The following EPN1 variants were observed in gnomAD, a reference collection of about 807,000 sequenced individuals.
EPN1 encodes the protein epsin-1.
In EPN1, 25 loss-of-function variants were observed where a neutral mutation model predicts 56.9. That is an observed-to-expected ratio of 0.44 (90% CI 0.32 to 0.61). The LOEUF (loss-of-function observed/expected upper bound fraction) is 0.61, where lower values mean the gene tolerates loss of function less well. Ranked by LOEUF, EPN1 falls within the 20% of genes least tolerant of loss-of-function variation. EPN1 has a pLI of 0.05. For synonymous variants in EPN1, 411 were observed against 361.8 expected, an observed-to-expected ratio of 1.14 and a Z score of -1.54; for missense variants, 785 against 823.7, an observed-to-expected ratio of 0.95 and a Z score of 0.58.
Position 55,695,217 on chromosome 19 carries a change from A to C in EPN1, c.1592A>C (p.Asn531Thr), listed in dbSNP as rs1435065291. 6.2e-7 allele frequency: 1 copy of C among 1,613,148 alleles called. No homozygotes were observed. Among genetic ancestry groups the C allele is most frequent in the African/African-American group, 1.3e-5 (1 of 74,882 alleles). Reference sequence around the variant, plus strand: ...GCGCCTCCCGCGACGCTCACCCTGAACCAGCTCCGTCTCAGTCCTGTGCCT... The same window carrying C: ...GCGCCTCCCGCGACGCTCACCCTGACCCAGCTCCGTCTCAGTCCTGTGCCT... ...QPAPPATLTL[N>T]QLRLSPVPPV... The change falls in exon 11 of 11, where the codon AAC (asparagine) becomes ACC (threonine). Residue 531 changes from asparagine to threonine, a missense_variant. Transcript: ENST00000270460. This position sits in a 1 kb window ranked among gnomAD's most constrained non-coding sequence, Gnocchi z 4.4.
At chr19:55,684,247 G>A (rs143747413) in intron 2 of EPN1, among the ~76,000 whole-genome samples, 5 of 152,276 alleles carry the variant, frequency 3.3e-5, no homozygotes, top group Non-Finnish European at 5.9e-5. Context: ...TGGTTCAGAC[G>A]GAGCTTAGCT....
At chr19:55,685,181 C>T (rs530952971) in intron 2 of EPN1, among the ~76,000 whole-genome samples, 1 of 152,268 alleles carries the variant, frequency 6.6e-6, no homozygotes, top group Non-Finnish European at 1.5e-5. Flanking sequence ...GAGCGCAGTA[C>T]CTCCGCGGCT....
intron 9 of EPN1, among the ~76,000 whole-genome samples, chr19:55,693,622 C>T (rs1030500463): frequency 2.6e-5 from 4 of 152,190 alleles, no homozygotes; most frequent in African/African-American, 4.8e-5. Flanking sequence ...ACTGGTGCTT[C>T]GCCGCGGCCC....
chr19:55,686,301 C>T (rs3786644), intron 3 of EPN1, among the ~76,000 whole-genome samples: 25,252 of 152,072 alleles, frequency 0.17, 2,670 homozygotes, highest in African/African-American at 0.29. Flanking sequence ...CTGTGTTGGT[C>T]GGGGGCTCAC....
At chr19:55,686,414 G>A (rs925055150) in intron 3 of EPN1, among the ~76,000 whole-genome samples, 1 of 152,176 alleles carries the variant, frequency 6.6e-6, no homozygotes, top group African/African-American at 2.4e-5. Context: ...GCCTCAGTTA[G>A]TGGGGATACG....
At chr19:55,677,476 T>A in intron 1 of EPN1, 1 of 821,988 alleles carries the variant, frequency 1.2e-6, no homozygotes, top group Non-Finnish European at 1.9e-6. Context: ...AGTTTTGGAG[T>A]TCAGGTGGGC....
chr19:55,690,489 T>C (rs562815991), intron 6 of EPN1, among the ~76,000 whole-genome samples: 7 of 152,224 alleles, frequency 4.6e-5, no homozygotes, highest in Non-Finnish European at 1.0e-4. Context: ...TACTTCCCTG[T>C]GACGGGCCCG....
rs746040850 is a variant in EPN1, at chr19:55,688,937, G to A, written c.546G>A (p.Gly182=). 1.0e-4 allele frequency: 165 copies of A among 1,597,066 alleles called. No homozygotes were observed. Among genetic ancestry groups the A allele is most frequent in the Non-Finnish European group, 1.3e-4 (149 of 1,173,848 alleles). ...EAEQAWPQSS[G]EEELQLQLAL... is the part of the protein sequence containing the mutation. ...AGCAGGCGTGGCCGCAGAGCAGCGG[G>A]GAGGAGGAGCTGCAGCTCCAGCTGG... Residue 182 remains glycine (G), a synonymous_variant, in exon 4 of 11, where the codon GGG becomes GGA. Coordinates refer to ENST00000270460, the MANE Select transcript of EPN1 (RefSeq NM_001130072.2).
rs998511209 is a variant in EPN1 at position 55,698,713 on chromosome 19, C to G, written c.*3357C>G. ...CTCCCAGCCAGCCTCTGCCTTTTGCCTTTTCCTCATGTTCTCATTGAATAG... is the reference window on the plus strand; with the variant it reads ...CTCCCAGCCAGCCTCTGCCTTTTGCGTTTTCCTCATGTTCTCATTGAATAG... On this transcript the variant is annotated 3_prime_UTR_variant, in exon 11 of 11. Transcript: ENST00000270460. 6.6e-6 allele frequency: 1 copy of G among 152,398 alleles called. No homozygotes were observed. The highest frequency in any genetic ancestry group is 1.5e-5 in the Non-Finnish European group (1 of 68,146). The allele number at this position is 152,398 out of a possible 1,614,324, so 9.4% of individuals were successfully genotyped here. A position where few individuals can be genotyped will look rare whatever the true frequency, so the allele number is the denominator to read the frequency against.
chr19:55,708,918 G>T lies in EPN1; in HGVS notation c.*13562G>T. The stretch of plus-strand genomic sequence containing the variant: ...TACTTCAGGGTGTTCCCCATCAGAG[G>T]AGCACACCCCTGATCTTGTATTCCT... On this transcript the variant is annotated 3_prime_UTR_variant, in exon 11 of 11. Transcript: ENST00000270460. 2 of 1,544,354 alleles carry T rather than the reference G, an allele frequency of 1.3e-6. No individual in the cohort carries two copies. The highest frequency in any genetic ancestry group is 1.7e-6 in the Non-Finnish European group (2 of 1,154,858).
At chr19:55,679,613 C>G (rs966083499) in intron 2 of EPN1, among the ~76,000 whole-genome samples, 19 of 152,208 alleles carry the variant, frequency 1.2e-4, no homozygotes, top group Non-Finnish European at 2.2e-4. Flanking sequence ...AGACCTGGGC[C>G]TGCTCTGGCG....
At chr19:55,681,995 G>A (rs1456330278) in intron 2 of EPN1, among the ~76,000 whole-genome samples, 1 of 151,974 alleles carries the variant, frequency 6.6e-6, no homozygotes, top group Admixed American at 6.6e-5. Flanking sequence ...TGTAGAGATG[G>A]CAGTCTCACT....
rs1214444986 is a variant in EPN1 at position 55,707,870 on chromosome 19, C to T, written c.*12514C>T. ...AACTCGTGTTTACAGGTCTTAAAGT[C>T]CTGACCTGGTGATCCGCCCGCGTGG... On this transcript the variant is annotated 3_prime_UTR_variant, in exon 11 of 11. Transcript: ENST00000270460. 6.5e-6 allele frequency: 1 copy of T among 154,378 alleles called. No individual in the cohort carries two copies. The highest frequency in any genetic ancestry group is 1.5e-5 in the Non-Finnish European group (1 of 68,258). The allele number at this position is 154,378 out of a possible 1,614,324, so 9.6% of individuals were successfully genotyped here.
Position 55,698,610 on chromosome 19 carries a change from G to A in EPN1, c.*3254G>A, listed in dbSNP as rs1987002179. 6.6e-6 allele frequency: 1 copy of A among 152,484 alleles called. No homozygotes were observed. Among genetic ancestry groups the A allele is most frequent in the South Asian group, 2.1e-4 (1 of 4,840 alleles). 9.4% of individuals were successfully genotyped at this position (152,484 alleles called of 1,614,324 possible). ...TACGCTTGCCCCTCGCTCTGGAGCT[G>A]CGATGCCAGCCTCAGGGCTTTCAGT... On this transcript the variant is annotated 3_prime_UTR_variant, in exon 11 of 11. Coordinates refer to ENST00000270460, the MANE Select transcript of EPN1 (RefSeq NM_001130072.2).
In EPN1 at chr19:55,702,754, T is replaced by C. The variant is rs28413124; in HGVS notation, c.*7398T>C. On this transcript the variant is annotated 3_prime_UTR_variant, in exon 11 of 11. Coordinates refer to ENST00000270460, the MANE Select transcript of EPN1 (RefSeq NM_001130072.2). Reference sequence around the variant, plus strand: ...TTCAGGTAGAATGGGTGAATGCATTTATTCGTTCATCTAAGCCGCATTTAC... The same window carrying C: ...TTCAGGTAGAATGGGTGAATGCATTCATTCGTTCATCTAAGCCGCATTTAC... 34,190 of 152,074 alleles carry C rather than the reference T, an allele frequency of 0.22. 4,147 individuals carry two copies. Among genetic ancestry groups the C allele is most frequent in the African/African-American group, 0.29 (12,125 of 41,436 alleles). 9.4% of individuals were successfully genotyped at this position (152,074 alleles called of 1,614,324 possible). A position where few individuals can be genotyped will look rare whatever the true frequency, so the allele number is the denominator to read the frequency against.
At chr19:55,685,762 CT>C (rs1478815684) in intron 3 of EPN1, 117 bp downstream of exon 3, 11 of 1,336,994 alleles carry the variant, frequency 8.2e-6, no homozygotes, top group African/African-American at 1.4e-5. Flanking sequence ...CGGCATCCCC[CT>C]TTGCTTCTCC....
At position 55,706,299 on chromosome 19, in the gene EPN1, T is replaced by A. The variant is rs528631993; in HGVS notation, c.*10943T>A. 39 of 154,884 alleles carry A rather than the reference T, an allele frequency of 2.5e-4. No individual in the cohort carries two copies. In the South Asian group the frequency reaches 3.9e-3, roughly 15 times the overall value. 9.6% of individuals were successfully genotyped at this position (154,884 alleles called of 1,614,324 possible). On this transcript the variant is annotated 3_prime_UTR_variant, in exon 11 of 11. Coordinates refer to ENST00000270460, the MANE Select transcript of EPN1 (RefSeq NM_001130072.2). ...TTTCTTCTTCTTTTTTTTTTTTTTT[T>A]AAAAGACCGTGTTTCGCTCTGTCAC...
chr19:55,680,433 G>T (rs1370707077), intron 2 of EPN1, among the ~76,000 whole-genome samples: 1 of 152,122 alleles, frequency 6.6e-6, no homozygotes, highest in African/African-American at 2.4e-5. Flanking sequence ...AGCAGAGCCT[G>T]TAGGATCCCC....
Position 55,691,986 on chromosome 19 carries a change from A to T in EPN1, c.995A>T (p.Asp332Val), listed in dbSNP as rs745379863. 2 of 1,490,536 alleles carry T rather than the reference A, an allele frequency of 1.3e-6. No homozygotes were observed. The highest frequency in any genetic ancestry group is 4.8e-5 in the East Asian group (2 of 41,988). The allele number at this position is 1,490,536 out of a possible 1,614,324, so 92.3% of individuals were successfully genotyped here. ...RPAAPAGPSV[D>V]PWGGTPAPAA... is the part of the protein sequence containing the mutation. The stretch of plus-strand genomic sequence containing the variant: ...GCTGCCCCTGCAGGACCCTCAGTTG[A>T]CCCTTGGGGTGGGACCCCAGCCCCT... Residue 332 changes from aspartate to valine, a missense_variant, in exon 7 of 11, where the codon GAC becomes GTC. Transcript: ENST00000270460. This position sits in a 1 kb window ranked among gnomAD's most constrained non-coding sequence, Gnocchi z 5.6.
Sources: allele counts gnomAD v4.1 joint callset (sites outside exome capture counted in the v4.1 genomes callset), GRCh38; gene constraint gnomAD v4.1.1; non-coding constraint Gnocchi (gnomAD v3.1); transcripts MANE v1.5; gene names NCBI Gene and HGNC (gene_info 2026-07-23, HGNC 2026-07-21).